Variants in PDPN observed in about 807,000 individuals in gnomAD.
PDPN encodes the protein PA2.26 antigen.
PDPN carries 12 observed loss-of-function variants against 23.2 expected under a neutral mutation model. The ratio of observed to expected loss-of-function variants is 0.52; its 90% CI spans 0.33 to 0.84. The LOEUF is 0.84. Ranked by LOEUF, PDPN falls within the 40% of genes least tolerant of loss-of-function variation. The pLI is 0.02. For synonymous variants in PDPN, 77 were observed against 76.7 expected, an observed-to-expected ratio of 1.00 and a Z score of -0.02; for missense variants, 199 against 212.2, an observed-to-expected ratio of 0.94 and a Z score of 0.39.
intron 1 of PDPN, among the ~76,000 whole-genome samples, chr1:13,603,017 AAT>A (rs34360951): frequency 0.11 from 16,279 of 149,184 alleles, 1,206 homozygotes; most frequent in African/African-American, 0.21. Context: ...TGTCTCTACA[AAT>A]ATATATATAT....
chr1:13,607,107 A>C (rs927946882), intron 1 of PDPN, 66 bp from the exon 2 acceptor site: 4 of 1,508,320 alleles, frequency 2.7e-6, no homozygotes, highest in Non-Finnish European at 3.6e-6. Context: ...ATCCGAATGT[A>C]GCCGACAAGT....
intron 1 of PDPN, chr1:13,585,628 T>A (rs1480764124): frequency 7.4e-7 from 1 of 1,351,830 alleles, no homozygotes; most frequent in Non-Finnish European, 9.8e-7. Flanking sequence ...AGCCGGCTCC[T>A]GAATGTCAAA....
intron 1 of PDPN, among the ~76,000 whole-genome samples, chr1:13,590,493 G>A (rs1449027595): frequency 2.6e-5 from 4 of 152,334 alleles, no homozygotes; most frequent in South Asian, 4.1e-4. Flanking sequence ...TGGGGAAGAT[G>A]CGACTTTATC....
At chr1:13,595,961 G>A (rs1640485354) in intron 1 of PDPN, 12 of 945,870 alleles carry the variant, frequency 1.3e-5, no homozygotes, top group Non-Finnish European at 1.8e-5. Context: ...ACTTTGGGAG[G>A]CTGAGGCGGG....
chr1:13,611,395 G>C (rs1028982968), intron 3 of PDPN, among the ~76,000 whole-genome samples: 1 of 150,344 alleles, frequency 6.7e-6, no homozygotes, highest in Admixed American at 6.6e-5. Context: ...ATATTATTCA[G>C]CCTTGAAAAT....
chr1:13,585,555 GA>G, intron 1 of PDPN: 2 of 1,351,988 alleles, frequency 1.5e-6, no homozygotes, highest in Non-Finnish European at 2.0e-6. Context: ...CCCTGCTAAA[GA>G]AAAAGCTGCT....
At chr1:13,589,400 TA>T (rs780151410) in intron 1 of PDPN, among the ~76,000 whole-genome samples, 9 of 152,198 alleles carry the variant, frequency 5.9e-5, no homozygotes, top group Non-Finnish European at 1.3e-4. Context: ...AATCTCCCCA[TA>T]AGATTAAATG....
intron 1 of PDPN, among the ~76,000 whole-genome samples, chr1:13,604,839 A>G (rs115467186): frequency 0.017 from 2,525 of 152,176 alleles, 88 homozygotes; most frequent in African/African-American, 0.057. Context: ...GTTTGCCTAC[A>G]CCACAAGTCA....
At position 13,586,189 on chromosome 1, in the gene PDPN, G is replaced by A. The variant is rs752787411; in HGVS notation, c.67+2089G>A. Among the ~76,000 whole-genome samples the A allele has an allele frequency of 3.3e-5, 5 of 152,064 alleles. No individual in the cohort carries two copies. In the East Asian group the frequency reaches 7.7e-4, roughly 23 times the overall value. Reference sequence around the variant, plus strand: ...GCTGCTAACCCACATGTGCTTTTCCGGGACCAATCCACCCAGGATTAATCA... The same window carrying A: ...GCTGCTAACCCACATGTGCTTTTCCAGGACCAATCCACCCAGGATTAATCA... On this transcript the variant is annotated intron_variant, in intron 1 of 5. Coordinates refer to ENST00000621990, the MANE Select transcript of PDPN (RefSeq NM_006474.5).
At chr1:13,585,776 G>A (rs879213046) in intron 1 of PDPN, 30 of 551,952 alleles carry the variant, frequency 5.4e-5, no homozygotes, top group South Asian at 4.5e-4. Flanking sequence ...AGGAGCAGAG[G>A]CCCAGCAGGG....
intron 1 of PDPN, among the ~76,000 whole-genome samples, chr1:13,594,041 A>T (rs961482008): frequency 1.6e-4 from 24 of 152,164 alleles, no homozygotes; most frequent in Non-Finnish European, 3.4e-4. Context: ...GCAGCCTCTA[A>T]TGTGAACACT....
rs144632645 is a variant in PDPN, at chr1:13,612,508, G to A, written c.332-1179G>A. 2.8e-3 allele frequency among the ~76,000 whole-genome samples: 424 copies of A among 152,294 alleles called. 1 individual carries two copies. The highest frequency in any genetic ancestry group is 4.8e-3 in the Non-Finnish European group (327 of 68,020). ...GATTGACTTATCTCTTCGGGCAGTT[G>A]ACTTCTATCAGTGACATTTGGGGAG... On this transcript the variant is annotated intron_variant, in intron 3 of 5. Transcript: ENST00000621990.
chr1:13,615,957 C>T lies in PDPN; in HGVS notation c.*46C>T. On this transcript the variant is annotated 3_prime_UTR_variant, in exon 6 of 6. Coordinates refer to ENST00000621990, the MANE Select transcript of PDPN (RefSeq NM_006474.5). ...TGCTGCCAACGTGCTTAAAAAAAGA[C>T]CGTTTCTGACTCTGTGCCCTGTCCC... 6.3e-7 allele frequency: 1 copy of T among 1,582,194 alleles called. No individual in the cohort carries two copies. Among genetic ancestry groups the T allele is most frequent in the South Asian group, 1.1e-5 (1 of 90,434 alleles).
chr1:13,594,822 T>C (rs1260622427), intron 1 of PDPN, among the ~76,000 whole-genome samples: 1 of 143,580 alleles, frequency 7.0e-6, no homozygotes, highest in Admixed American at 6.9e-5. Context: ...CCGTCTCTAC[T>C]AAAAATACAA....
At chr1:13,596,958 G>A (rs541228265) in intron 1 of PDPN, among the ~76,000 whole-genome samples, 7 of 152,238 alleles carry the variant, frequency 4.6e-5, no homozygotes, top group Non-Finnish European at 1.0e-4. Flanking sequence ...GTTGGAGGTT[G>A]GCACCTTTCT....
intron 3 of PDPN, among the ~76,000 whole-genome samples, chr1:13,611,103 C>A (rs1464263816): frequency 6.6e-6 from 1 of 152,056 alleles, no homozygotes; most frequent in Non-Finnish European, 1.5e-5. Flanking sequence ...CGCCTGTAGT[C>A]CCAGCTACTT....
chr1:13,586,131 G>A (rs1018452904), intron 1 of PDPN, among the ~76,000 whole-genome samples: 4 of 152,154 alleles, frequency 2.6e-5, no homozygotes, highest in African/African-American at 7.2e-5. Flanking sequence ...TCATTAGAGA[G>A]TTTATTTTGT....
Position 13,617,128 on chromosome 1 carries a change from C to G in PDPN, c.*1217C>G, listed in dbSNP as rs1570069853. 1 of 150,382 alleles carries G rather than the reference C, an allele frequency of 6.6e-6. No homozygotes were observed. The highest frequency in any genetic ancestry group is 1.5e-5 in the Non-Finnish European group (1 of 67,844). The allele number at this position is 150,382 out of a possible 1,614,324, so 9.3% of individuals were successfully genotyped here. A position where few individuals can be genotyped will look rare whatever the true frequency, so the allele number is the denominator to read the frequency against. Reference sequence around the variant, plus strand: ...TCATTCTGTCTCAGCACCATCCAGCCTGGCACTTCTCTTCCCATATATCCA... The same window carrying G: ...TCATTCTGTCTCAGCACCATCCAGCGTGGCACTTCTCTTCCCATATATCCA... On this transcript the variant is annotated 3_prime_UTR_variant, in exon 6 of 6. Coordinates refer to ENST00000621990, the MANE Select transcript of PDPN (RefSeq NM_006474.5).
intron 1 of PDPN, among the ~76,000 whole-genome samples, chr1:13,593,103 G>A (rs1640394420): frequency 6.6e-6 from 1 of 152,106 alleles, no homozygotes; most frequent in South Asian, 2.1e-4. Context: ...TTGTCTCTTA[G>A]AGAAGAGAGC....
Sources: gnomAD v4.1 joint callset for allele counts (sites outside exome capture counted in the v4.1 genomes callset) on GRCh38, gnomAD v4.1.1 for gene constraint, MANE v1.5 for transcripts, NCBI Gene and HGNC (gene_info 2026-07-23, HGNC 2026-07-21) for gene names.